The following GRK5 variants were observed in gnomAD, a reference collection of about 807,000 sequenced individuals.
GRK5 encodes the protein g protein-coupled receptor kinase GRK5.
A neutral mutation model predicts 78.4 loss-of-function variants in GRK5; 40 were observed. That is an observed-to-expected ratio of 0.51 (90% CI 0.40 to 0.66). GRK5 has a LOEUF of 0.66. Among genes scored for constraint, GRK5 ranks in the 30% least tolerant of loss-of-function variants. GRK5 has a pLI of 0.00. For missense variants in GRK5, 598 were observed against 759.9 expected, an observed-to-expected ratio of 0.79 and a Z score of 2.50; for synonymous variants, 289 against 296.8, an observed-to-expected ratio of 0.97 and a Z score of 0.27.
At chr10:119,231,597 C>G (rs538953401) in intron 1 of GRK5, among the ~76,000 whole-genome samples, 168 of 151,058 alleles carry the variant, frequency 1.1e-3, no homozygotes, top group African/African-American at 3.9e-3. Context: ...ATCCCAGCTA[C>G]TTGGGAGGCT....
intron 1 of GRK5, chr10:119,208,665 G>C (rs1441906795): frequency 6.6e-6 from 1 of 152,128 alleles, no homozygotes; most frequent in East Asian, 1.9e-4. Flanking sequence ...GTGTGCTGGT[G>C]CTTTAGATAC....
intron 2 of GRK5, among the ~76,000 whole-genome samples, chr10:119,361,017 G>C (rs1851354370): frequency 6.6e-6 from 1 of 152,184 alleles, no homozygotes; most frequent in Non-Finnish European, 1.5e-5. Context: ...AGGTCTCCTG[G>C]CTAGGTGGGC....
At chr10:119,358,957 C>T (rs751254690) in intron 2 of GRK5, among the ~76,000 whole-genome samples, 61 of 152,310 alleles carry the variant, frequency 4.0e-4, no homozygotes, top group Middle Eastern at 6.8e-3. Flanking sequence ...CCAGCCCTAT[C>T]AGTTAGGGCC....
intron 1 of GRK5, among the ~76,000 whole-genome samples, chr10:119,314,174 C>A (rs933282610): frequency 6.6e-6 from 1 of 152,240 alleles, no homozygotes; most frequent in South Asian, 2.1e-4. Context: ...CTTTTGCCCC[C>A]ACTTTGGGTG....
intron 3 of GRK5, among the ~76,000 whole-genome samples, chr10:119,382,798 G>A (rs1489392325): frequency 6.6e-6 from 1 of 152,078 alleles, no homozygotes; most frequent in African/African-American, 2.4e-5. Context: ...TTGACTCTAG[G>A]CTCCCCCATA....
chr10:119,327,174 T>C (rs557349710), intron 2 of GRK5, among the ~76,000 whole-genome samples: 65 of 152,294 alleles, frequency 4.3e-4, no homozygotes, highest in African/African-American at 1.5e-3. Flanking sequence ...GAGGAGCCAC[T>C]GGGCTCAGTG....
chr10:119,255,301 C>T (rs1433576980), intron 1 of GRK5, among the ~76,000 whole-genome samples: 1 of 152,120 alleles, frequency 6.6e-6, no homozygotes, highest in African/African-American at 2.4e-5. Context: ...GGGACCCAGG[C>T]TCTTTCCACT....
chr10:119,398,060 G>A (rs1852086003), intron 4 of GRK5, among the ~76,000 whole-genome samples: 1 of 152,232 alleles, frequency 6.6e-6, no homozygotes. Flanking sequence ...TGGACAAGGT[G>A]TGGCCCTGGG....
chr10:119,362,389 A>T (rs1286143189), intron 2 of GRK5, among the ~76,000 whole-genome samples: 1 of 152,238 alleles, frequency 6.6e-6, no homozygotes, highest in East Asian at 1.9e-4. Flanking sequence ...AGTCTTGCGC[A>T]ACTCTTCCAT....
intron 1 of GRK5, among the ~76,000 whole-genome samples, chr10:119,235,125 A>G (rs989993751): frequency 3.4e-5 from 5 of 149,176 alleles, no homozygotes; most frequent in Non-Finnish European, 5.9e-5. Flanking sequence ...AGAGGTGCAC[A>G]CCACCAGGAC....
At chr10:119,249,622 T>C (rs1278527803) in intron 1 of GRK5, among the ~76,000 whole-genome samples, 1 of 152,156 alleles carries the variant, frequency 6.6e-6, no homozygotes, top group African/African-American at 2.4e-5. Flanking sequence ...CTCAGCCTCC[T>C]AAGTAGCTGG....
chr10:119,319,248 A>G (rs1214740735), intron 1 of GRK5, among the ~76,000 whole-genome samples: 7 of 152,196 alleles, frequency 4.6e-5, no homozygotes, highest in Non-Finnish European at 8.8e-5. Flanking sequence ...CAGGAGTGAG[A>G]GTGGGATTGG....
At chr10:119,287,766 C>T (rs1389516606) in intron 1 of GRK5, among the ~76,000 whole-genome samples, 1 of 152,176 alleles carries the variant, frequency 6.6e-6, no homozygotes, top group Non-Finnish European at 1.5e-5. Flanking sequence ...ATGACTGCAC[C>T]GTATCCAGCG....
rs80156634 is a variant in GRK5, at chr10:119,312,996, ATGG to A, written c.53-13515_53-13513del. Among the ~76,000 whole-genome samples, 44 of 137,080 alleles carry A rather than the reference ATGG, an allele frequency of 3.2e-4. 1 individual carries two copies. Among genetic ancestry groups the A allele is most frequent in the East Asian group, 1.8e-3 (8 of 4,486 alleles). 89.9% of individuals were successfully genotyped at this position (137,080 alleles called of 152,430 possible). Reference sequence around the variant, plus strand: ...GATGGTGATGCTGATGGTGGTGGTAATGGTGGTCGTGACGGTGATGGTAGTGGT... The same window carrying A: ...GATGGTGATGCTGATGGTGGTGGTAATGGTCGTGACGGTGATGGTAGTGGT... On this transcript the variant is annotated intron_variant, in intron 1 of 15. Coordinates refer to ENST00000392870, the MANE Select transcript of GRK5 (RefSeq NM_005308.3).
At chr10:119,326,492 G>A (rs901607457) in intron 1 of GRK5, 24 bp from the exon 2 acceptor site, 4 of 1,592,736 alleles carry the variant, frequency 2.5e-6, no homozygotes, top group Admixed American at 1.7e-5. Context: ...CCTCAGCCAG[G>A]CATCTTTTTC....
intron 1 of GRK5, among the ~76,000 whole-genome samples, chr10:119,213,949 C>T (rs1435034571): frequency 2.8e-5 from 4 of 144,260 alleles, no homozygotes; most frequent in South Asian, 2.2e-4. Context: ...TGGGCACTGC[C>T]GTTCTCTTTT....
intron 1 of GRK5, among the ~76,000 whole-genome samples, chr10:119,273,424 C>T (rs979342181): frequency 2.0e-5 from 3 of 152,168 alleles, no homozygotes; most frequent in Non-Finnish European, 2.9e-5. Context: ...CTGCAGGCTA[C>T]GTGTGACGTT....
At chr10:119,288,023 G>A (rs779793142) in intron 1 of GRK5, among the ~76,000 whole-genome samples, 13 of 152,216 alleles carry the variant, frequency 8.5e-5, no homozygotes, top group Non-Finnish European at 1.6e-4. Context: ...GTCCTCACAG[G>A]TAGAACGGCC....
rs772226426 is a variant in GRK5, at chr10:119,452,778, G to A, written c.1512G>A (p.Thr504=). Residue 504 remains threonine, a synonymous_variant, in exon 14 of 16, where the codon ACG becomes ACA. Coordinates refer to ENST00000392870, the MANE Select transcript of GRK5 (RefSeq NM_005308.3). This position sits in a 1 kb window ranked among gnomAD's most constrained non-coding sequence, Gnocchi z 4.4. ...TDDDFYSKFS[T]GSVSIPWQNE... Reference sequence around the variant, plus strand: ...ACGACTTCTACTCCAAGTTCTCCACGGGCTCTGTGTCCATCCCATGGCAAA... The same window carrying A: ...ACGACTTCTACTCCAAGTTCTCCACAGGCTCTGTGTCCATCCCATGGCAAA... 5.0e-6 allele frequency: 8 copies of A among 1,613,936 alleles called. No homozygotes were observed. Among genetic ancestry groups the A allele is most frequent in the Admixed American group, 3.3e-5 (2 of 59,992 alleles).
Sources: allele counts gnomAD v4.1 joint callset (sites outside exome capture counted in the v4.1 genomes callset), GRCh38; gene constraint gnomAD v4.1.1; non-coding constraint Gnocchi (gnomAD v3.1); transcripts MANE v1.5; gene names NCBI Gene and HGNC (gene_info 2026-07-23, HGNC 2026-07-21).